TBC1D24: variants seen among roughly 807,000 people sequenced by gnomAD.
TBC1D24 encodes the protein Infantile myoclonic epilepsy.
A neutral mutation model predicts 50.7 loss-of-function variants in TBC1D24; 47 were observed. The observed-to-expected ratio is 0.93, with a 90% CI of 0.73 to 1.18. The LOEUF is 1.18. Ranked by LOEUF, TBC1D24 falls within the 50% of genes most tolerant of loss-of-function variation. The probability of loss-of-function intolerance (pLI) is 0.00; values close to 1 mark genes in which losing one functional copy is unlikely to be tolerated. For missense variants in TBC1D24, 688 were observed against 766.5 expected, an observed-to-expected ratio of 0.90 and a Z score of 1.21; for synonymous variants, 324 against 335.2, an observed-to-expected ratio of 0.97 and a Z score of 0.36.
rs1240708314 is a variant in TBC1D24 at position 2,496,487 on chromosome 16, C to T, written c.339C>T (p.Ala113=). ...GCCTGAATGCACGCGGCGAGGGGGC[C>T]GTGCGCAAGATCCTCCTGTGCCTGG... ...SYCLNARGEG[A]VRKILLCLAN... is the part of the protein sequence containing the mutation. Residue 113 remains alanine (A), a synonymous_variant, in exon 2 of 8, where the codon GCC becomes GCT. Transcript: ENST00000646147. The T allele has an allele frequency of 5.0e-6, 8 of 1,610,200 alleles. No individual in the cohort carries two copies. Among genetic ancestry groups the T allele is most frequent in the East Asian group, 4.5e-5 (2 of 44,884 alleles).
At chr16:2,479,566 A>C (rs2065594597) in intron 1 of TBC1D24, 1 of 152,296 alleles carries the variant, frequency 6.6e-6, no homozygotes, top group Non-Finnish European at 1.5e-5. Context: ...CCACCCCCTG[A>C]GTCCTCCACC....
Position 2,500,561 on chromosome 16 carries a change from C to A in TBC1D24, c.1525+71C>A. On this transcript the variant is annotated intron_variant, in intron 7 of 7. Coordinates refer to ENST00000646147, the MANE Select transcript of TBC1D24 (RefSeq NM_001199107.2). This position sits in a 1 kb window ranked among gnomAD's most constrained non-coding sequence, Gnocchi z 8.0. ...GGCAGCTGAAGCTGCTGCACCCAGCCCTCCCTGACCGGGGTGGCAGAGAAG... is the reference window on the plus strand; with the variant it reads ...GGCAGCTGAAGCTGCTGCACCCAGCACTCCCTGACCGGGGTGGCAGAGAAG... 6.8e-7 allele frequency: 1 copy of A among 1,469,304 alleles called. No individual in the cohort carries two copies. The highest frequency in any genetic ancestry group is 9.2e-7 in the Non-Finnish European group (1 of 1,091,250). 91.0% of individuals were successfully genotyped at this position (1,469,304 alleles called of 1,614,324 possible). A position where few individuals can be genotyped will look rare whatever the true frequency, so the allele number is the denominator to read the frequency against.
intron 1 of TBC1D24, among the ~76,000 whole-genome samples, chr16:2,494,592 T>TG (rs1237083037): frequency 1.3e-5 from 2 of 151,880 alleles, no homozygotes; most frequent in African/African-American, 4.8e-5. Flanking sequence ...TTGGTAGAGA[T>TG]GGGGTCTCAC....
chr16:2,479,453 C>G (rs562122728), intron 1 of TBC1D24: 1 of 152,422 alleles, frequency 6.6e-6, no homozygotes, highest in South Asian at 2.1e-4. Context: ...GCACCTCACT[C>G]TCCTTCCAGG....
chr16:2,501,272 T>A lies in TBC1D24; in HGVS notation c.*314T>A. ...CATAGCCCAAGGCCTTGGGAGTGTC[T>A]GGGTCTTGCTGCCCCTGAGCCTCTC... is the stretch of plus-strand genomic sequence containing the variant. On this transcript the variant is annotated 3_prime_UTR_variant, in exon 8 of 8. Transcript: ENST00000646147. 3 of 429,014 alleles carry A rather than the reference T, an allele frequency of 7.0e-6. No individual in the cohort carries two copies. In the South Asian group the frequency reaches 7.6e-5, roughly 11 times the overall value. The allele number at this position is 429,014 out of a possible 1,614,324, so 26.6% of individuals were successfully genotyped here. A position where few individuals can be genotyped will look rare whatever the true frequency, so the allele number is the denominator to read the frequency against.
chr16:2,503,111 GC>G lies in TBC1D24; in HGVS notation c.*2154del, dbSNP rs1346267025. 6.6e-6 allele frequency: 1 copy of G among 152,266 alleles called. No homozygotes were observed. The highest frequency in any genetic ancestry group is 1.9e-4 in the East Asian group (1 of 5,204). The allele number at this position is 152,266 out of a possible 1,614,324, so 9.4% of individuals were successfully genotyped here. On this transcript the variant is annotated 3_prime_UTR_variant, in exon 8 of 8. Coordinates refer to ENST00000646147, the MANE Select transcript of TBC1D24 (RefSeq NM_001199107.2). ...TGATTTTTCTGGCGAGTTAAGTCCA[GC>G]AGGTTCTGCGTGGCTGCCCCCAGGG...
Position 2,500,366 on chromosome 16 carries a change from C to T in TBC1D24, c.1401C>T (p.Leu467=), listed in dbSNP as rs780051584. 3 of 1,608,776 alleles carry T rather than the reference C, an allele frequency of 1.9e-6. No individual in the cohort carries two copies. The East Asian group carries it at 6.7e-5, about 36-fold the overall frequency. Residue 467 remains leucine, a synonymous_variant, in exon 7 of 8, where the codon CTC becomes CTT. Coordinates refer to ENST00000646147, the MANE Select transcript of TBC1D24 (RefSeq NM_001199107.2). This position sits in a 1 kb window ranked among gnomAD's most constrained non-coding sequence, Gnocchi z 8.0. ...TGGCTGCCGAGCCCACCGCCCCACT[C>T]AGCCACTCCGCCTCCTCAGACCCCG... ...PLMAAEPTAP[L]SHSASSDPAD...
At position 2,499,944 on chromosome 16, in the gene TBC1D24, A is replaced by AG. The variant is rs1567414046; in HGVS notation, c.1302+15dup. On this transcript the variant is annotated intron_variant, in intron 6 of 7. Coordinates refer to ENST00000646147, the MANE Select transcript of TBC1D24 (RefSeq NM_001199107.2). This position sits in a 1 kb window ranked among gnomAD's most constrained non-coding sequence, Gnocchi z 4.0. Reference sequence around the variant, plus strand: ...TTTGTGTTTAGGGTGAGTGGGGCCAAGTGTCCCCAAACCCCCACGCAGACC... The same window carrying AG: ...TTTGTGTTTAGGGTGAGTGGGGCCAAGGTGTCCCCAAACCCCCACGCAGACC... 6.2e-7 allele frequency: 1 copy of AG among 1,610,426 alleles called. No individual in the cohort carries two copies. The highest frequency in any genetic ancestry group is 8.5e-7 in the Non-Finnish European group (1 of 1,176,820).
At position 2,502,736 on chromosome 16, in the gene TBC1D24, G is replaced by C. The variant is rs1347951599; in HGVS notation, c.*1778G>C. The C allele has an allele frequency of 6.5e-6, 1 of 153,034 alleles. No homozygotes were observed. The highest frequency in any genetic ancestry group is 6.5e-5 in the Admixed American group (1 of 15,288). The allele number at this position is 153,034 out of a possible 1,614,324, so 9.5% of individuals were successfully genotyped here. A position where few individuals can be genotyped will look rare whatever the true frequency, so the allele number is the denominator to read the frequency against. ...GGGTGAATCCCTCTCACGGGGAGAG[G>C]TATGGGAGGGAAGTCGCCACTCATC... On this transcript the variant is annotated 3_prime_UTR_variant, in exon 8 of 8. Transcript: ENST00000646147.
chr16:2,494,831 G>A (rs912642259), intron 1 of TBC1D24, among the ~76,000 whole-genome samples: 2 of 152,072 alleles, frequency 1.3e-5, no homozygotes, highest in East Asian at 1.9e-4. Flanking sequence ...AGTTTGTAAC[G>A]GCTTCTCAAA....
In TBC1D24 at chr16:2,483,728, T is replaced by G. The variant is rs2065627604; in HGVS notation, c.-116+8558T>G. The G allele has an allele frequency of 6.6e-6, 1 of 152,516 alleles. No homozygotes were observed. Among genetic ancestry groups the G allele is most frequent in the African/African-American group, 2.4e-5 (1 of 41,246 alleles). 9.4% of individuals were successfully genotyped at this position (152,516 alleles called of 1,614,324 possible). Reference sequence around the variant, plus strand: ...TGGAGAGAGAGGAGGCGGGTGGTGATGGGGAGAGCCCGGCTGCTGCTCGGC... The same window carrying G: ...TGGAGAGAGAGGAGGCGGGTGGTGAGGGGGAGAGCCCGGCTGCTGCTCGGC... On this transcript the variant is annotated intron_variant, in intron 1 of 7. Coordinates refer to ENST00000646147, the MANE Select transcript of TBC1D24 (RefSeq NM_001199107.2). The surrounding 1 kb of genome is among the most constrained non-coding windows in gnomAD (Gnocchi z 4.0).
At chr16:2,494,396 T>A (rs1368007097) in intron 1 of TBC1D24, among the ~76,000 whole-genome samples, 1 of 145,828 alleles carries the variant, frequency 6.9e-6, no homozygotes, top group Non-Finnish European at 1.5e-5. Context: ...CGTGCGACAG[T>A]GCAAGACTCT....
In TBC1D24 at chr16:2,497,153, G is replaced by A. The variant is rs141697271; in HGVS notation, c.965+40G>A. ...GCCTGTGAGGGGTACACCCAGGGTC[G>A]GGGGCTGGGGCAGGACGTGTCTGGC... On this transcript the variant is annotated intron_variant, in intron 2 of 7. Coordinates refer to ENST00000646147, the MANE Select transcript of TBC1D24 (RefSeq NM_001199107.2). The A allele has an allele frequency of 5.5e-4, 873 of 1,598,068 alleles. 3 individuals carry two copies. In the African/African-American group the frequency reaches 9.9e-3, roughly 18 times the overall value.
At position 2,500,791 on chromosome 16, in the gene TBC1D24, G is replaced by C; in HGVS notation, c.1526-13G>C. On this transcript the variant is annotated splice_polypyrimidine_tract_variant and intron_variant, in intron 7 of 7. Coordinates refer to ENST00000646147, the MANE Select transcript of TBC1D24 (RefSeq NM_001199107.2). The surrounding 1 kb of genome is among the most constrained non-coding windows in gnomAD (Gnocchi z 8.0). ...AGGGCAGTCAGGCCGCCACTGACCTGAGCATCCTGCAGGGGGAGGAGGCGG... is the reference window on the plus strand; with the variant it reads ...AGGGCAGTCAGGCCGCCACTGACCTCAGCATCCTGCAGGGGGAGGAGGCGG... 2 of 1,600,028 alleles carry C rather than the reference G, an allele frequency of 1.2e-6. No individual in the cohort carries two copies. Among genetic ancestry groups the C allele is most frequent in the South Asian group, 2.2e-5 (2 of 90,490 alleles).
chr16:2,495,662 C>T (rs2065730554), intron 1 of TBC1D24, among the ~76,000 whole-genome samples: 1 of 152,134 alleles, frequency 6.6e-6, no homozygotes, highest in Admixed American at 6.5e-5. Flanking sequence ...GCCTTTAGTC[C>T]CAGCTACTCA....
At position 2,487,271 on chromosome 16, in the gene TBC1D24, T is replaced by C. The variant is rs74003011; in HGVS notation, c.-115-8763T>C. ...CCCCAGCTGCCGTGGTTGACAGCCT[T>C]CTCTCAAGCCGCCTCTCCCTGGCAC... On this transcript the variant is annotated intron_variant, in intron 1 of 7. Coordinates refer to ENST00000646147, the MANE Select transcript of TBC1D24 (RefSeq NM_001199107.2). The surrounding 1 kb of genome is among the most constrained non-coding windows in gnomAD (Gnocchi z 4.1). 0.01 allele frequency among the ~76,000 whole-genome samples: 1,530 copies of C among 152,200 alleles called. 25 individuals carry two copies. The highest frequency in any genetic ancestry group is 0.036 in the African/African-American group (1,477 of 41,532).
At position 2,501,018 on chromosome 16, in the gene TBC1D24, C is replaced by T; in HGVS notation, c.*60C>T. On this transcript the variant is annotated 3_prime_UTR_variant, in exon 8 of 8. Coordinates refer to ENST00000646147, the MANE Select transcript of TBC1D24 (RefSeq NM_001199107.2). ...CGGTGGGCCGAGGCTGGGCTGCCGC[C>T]TCGGGCAGCAGAGAGCAGATGAAAC... The T allele has an allele frequency of 6.3e-7, 1 of 1,595,222 alleles. No individual in the cohort carries two copies. The highest frequency in any genetic ancestry group is 1.7e-4 in the Middle Eastern group (1 of 6,048).
intron 2 of TBC1D24, 139 bp from the exon 3 acceptor site, chr16:2,497,571 C>T: frequency 1.2e-6 from 1 of 821,006 alleles, no homozygotes; most frequent in Non-Finnish European, 2.0e-6. Flanking sequence ...TGTGATGGTG[C>T]CACGCTGCGG....
rs1214378993 is a variant in TBC1D24 at position 2,500,369 on chromosome 16, C to G, written c.1404C>G (p.Ser468Arg). Reference sequence around the variant, plus strand: ...CTGCCGAGCCCACCGCCCCACTCAGCCACTCCGCCTCCTCAGACCCCGCTG... The same window carrying G: ...CTGCCGAGCCCACCGCCCCACTCAGGCACTCCGCCTCCTCAGACCCCGCTG... ...LMAAEPTAPL[S>R]HSASSDPADR... is the part of the protein sequence containing the mutation. Residue 468 changes from serine (S) to arginine (R), a missense_variant, in exon 7 of 8, where the codon AGC becomes AGG. Transcript: ENST00000646147. This position sits in a 1 kb window ranked among gnomAD's most constrained non-coding sequence, Gnocchi z 8.0. 6.2e-7 allele frequency: 1 copy of G among 1,608,388 alleles called. No individual in the cohort carries two copies. The highest frequency in any genetic ancestry group is 1.1e-5 in the South Asian group (1 of 89,946).
Sources: allele counts gnomAD v4.1 joint callset (sites outside exome capture counted in the v4.1 genomes callset), GRCh38; gene constraint gnomAD v4.1.1; non-coding constraint Gnocchi (gnomAD v3.1); transcripts MANE v1.5; gene names NCBI Gene and HGNC (gene_info 2026-07-23, HGNC 2026-07-21).